The following DAZL variants were observed in gnomAD, a reference collection of about 807,000 sequenced individuals.
DAZL encodes deleted in azoospermia-like.
In DAZL, 4 loss-of-function variants were observed where a neutral mutation model predicts 45.0. That is an observed-to-expected ratio of 0.09 (90% CI 0.04 to 0.20). The LOEUF is 0.20. DAZL is among the 10% of genes least tolerant of loss of function. The pLI is 1.00. For synonymous variants in DAZL, 122 were observed against 112.4 expected (o/e 1.09, Z -0.54); for missense variants, 326 against 351.3 (o/e 0.93, Z 0.58).
chr3:16,597,131 C>A, intron 4 of DAZL, 80 bp from the exon 5 acceptor site: 1 of 1,421,902 alleles, frequency 7.0e-7, no homozygotes, highest in Non-Finnish European at 9.8e-7. Flanking sequence ...CTAAAGTCTT[C>A]TAAAATTCCT....
chr3:16,593,707 T>C lies in DAZL; in HGVS notation c.683A>G (p.Asn228Ser). Residue 228 changes from asparagine (N) to serine (S), a missense_variant, in exon 9 of 11, where the codon AAT (asparagine) becomes AGT (serine). Physicochemically the swap from Asn to Ser is conservative, Grantham distance 46. Transcript: ENST00000399444. ...AGTAGCTTCATGAACTGAACATTCATTTGGCACAACTTCAGCTCCTGGATC... is the reference window on the plus strand; with the variant it reads ...AGTAGCTTCATGAACTGAACATTCACTTGGCACAACTTCAGCTCCTGGATC... Reference protein sequence around the residue: ...EVDPGAEVVPNECSVHEATPP... With the variant: ...EVDPGAEVVPSECSVHEATPP... 1 of 1,612,882 alleles carries C rather than the reference T, an allele frequency of 6.2e-7. No individual in the cohort carries two copies. Among genetic ancestry groups the C allele is most frequent in the Non-Finnish European group, 8.5e-7 (1 of 1,179,294 alleles).
intron 1 of DAZL, among the ~76,000 whole-genome samples, chr3:16,601,741 G>C (rs3821708): frequency 0.27 from 40,249 of 149,590 alleles, 5,486 homozygotes; most frequent in Non-Finnish European, 0.3. Context: ...ATTTTGAAAT[G>C]AGAAATGTTG....
rs1286385793 is a variant in DAZL, at chr3:16,592,057, T to C, written c.827A>G (p.Tyr276Cys). 9 of 1,612,746 alleles carry C rather than the reference T, an allele frequency of 5.6e-6. No individual in the cohort carries two copies. Among genetic ancestry groups the C allele is most frequent in the South Asian group, 1.1e-5 (1 of 91,050 alleles). The change falls in exon 10 of 11, where the codon TAC becomes TGC. Residue 276 changes from tyrosine to cysteine, a missense_variant. Around this residue, in one of 3 missense-constraint regions of DAZL, gnomAD observed 227 missense variants for 216.6 expected, o/e 1.05. Transcript: ENST00000399444. ...TAACTGTTATATTCATACCTTGAAG[T>C]AGTCATCTTGAGTAACAACAGAGTT... ...LRNSVVTQDD[Y>C]FKDKRVHHFR... is the part of the protein sequence containing the mutation.
chr3:16,603,525 T>C (rs976619433), intron 1 of DAZL, among the ~76,000 whole-genome samples: 5 of 150,320 alleles, frequency 3.3e-5, no homozygotes, highest in African/African-American at 1.2e-4. Flanking sequence ...TTTTCTGTTT[T>C]TAGTAGCGAT....
At chr3:16,591,875 G>A (rs1694523655) in intron 10 of DAZL, among the ~76,000 whole-genome samples, 175 bp downstream of exon 10, 1 of 152,154 alleles carries the variant, frequency 6.6e-6, no homozygotes, top group African/African-American at 2.4e-5. Context: ...TCAAGGTTCA[G>A]CAGCAGAAAA....
intron 6 of DAZL, 99 bp downstream of exon 6, chr3:16,596,651 G>A (rs1420656811): frequency 8.5e-6 from 11 of 1,293,618 alleles, no homozygotes; most frequent in South Asian, 1.2e-5. Context: ...TATTCAAACA[G>A]GGATGCCATT....
At chr3:16,600,307 G>T (rs1694664345) in intron 1 of DAZL, among the ~76,000 whole-genome samples, 1 of 152,146 alleles carries the variant, frequency 6.6e-6, no homozygotes, top group African/African-American at 2.4e-5. Context: ...GATGCTAGAA[G>T]TTACTGATTC....
intron 10 of DAZL, among the ~76,000 whole-genome samples, chr3:16,589,812 C>T (rs1244262857): frequency 6.6e-6 from 1 of 151,720 alleles, no homozygotes; most frequent in African/African-American, 2.4e-5. Flanking sequence ...CCTGTAATCC[C>T]AGCACTTTGG....
In DAZL at chr3:16,593,772, T is replaced by C. The variant is rs774087898; in HGVS notation, c.622-4A>G. The C allele has an allele frequency of 1.1e-5, 17 of 1,571,934 alleles. No individual in the cohort carries two copies. Among genetic ancestry groups the C allele is most frequent in the Non-Finnish European group, 1.4e-5 (16 of 1,143,732 alleles). On this transcript the variant is annotated splice_polypyrimidine_tract_variant and splice_region_variant and intron_variant, in intron 8 of 10. Transcript: ENST00000399444. Reference sequence around the variant, plus strand: ...GGTAGTTAACAGCTGAATAAGCCTATATTTAAAATAATGAAAGTGTAATTA... The same window carrying C: ...GGTAGTTAACAGCTGAATAAGCCTACATTTAAAATAATGAAAGTGTAATTA...
At position 16,601,531 on chromosome 3, in the gene DAZL, CATAATT is replaced by C. The variant is rs199508324; in HGVS notation, c.4-2939_4-2934del. Among the ~76,000 whole-genome samples the C allele has an allele frequency of 4.1e-3, 629 of 152,204 alleles. 2 individuals carry two copies. Among genetic ancestry groups the C allele is most frequent in the African/African-American group, 0.014 (600 of 41,516 alleles). On this transcript the variant is annotated intron_variant, in intron 1 of 10. Transcript: ENST00000399444. ...TTGTTAAATTCCTACTGTATTTATA[CATAATT>C]ATAATGTATATATAAAAATCCACAA...
At chr3:16,598,292 C>T in intron 2 of DAZL, 114 bp from the exon 3 acceptor site, 3 of 1,395,030 alleles carry the variant, frequency 2.2e-6, no homozygotes, top group Non-Finnish European at 1.0e-6. Context: ...CCCAAATGAC[C>T]AGTAGCTCTT....
At chr3:16,604,740 C>T in intron 1 of DAZL, 4 of 1,360,166 alleles carry the variant, frequency 2.9e-6, no homozygotes, top group Non-Finnish European at 3.8e-6. Context: ...TGCGGAGCCA[C>T]GGGGAGAGCG....
At chr3:16,589,451 G>A (rs562326625) in intron 10 of DAZL, among the ~76,000 whole-genome samples, 24 of 152,230 alleles carry the variant, frequency 1.6e-4, no homozygotes, top group African/African-American at 5.3e-4. Flanking sequence ...TCTGTCAAAA[G>A]AGTGATATCC....
At chr3:16,603,800 A>G (rs965061306) in intron 1 of DAZL, among the ~76,000 whole-genome samples, 12 of 152,340 alleles carry the variant, frequency 7.9e-5, no homozygotes, top group African/African-American at 2.9e-4. Flanking sequence ...AGTATTATGC[A>G]GCACGGTGTA....
chr3:16,588,815 A>C (rs1046985878), intron 10 of DAZL, 102 bp from the exon 11 acceptor site: 1 of 895,782 alleles, frequency 1.1e-6, no homozygotes, highest in Non-Finnish European at 1.9e-6. Context: ...TTTGGGTTTA[A>C]ACATTATAAA....
chr3:16,599,635 A>G (rs1249513063), intron 1 of DAZL, among the ~76,000 whole-genome samples: 2 of 152,200 alleles, frequency 1.3e-5, no homozygotes, highest in African/African-American at 2.4e-5. Context: ...AAATTATACC[A>G]TCTTTATTTT....
rs753451717 is a variant in DAZL at position 16,593,736 on chromosome 3, T to C, written c.654A>G (p.Glu218=). 6 of 1,612,228 alleles carry C rather than the reference T, an allele frequency of 3.7e-6. No individual in the cohort carries two copies. In the East Asian group the frequency reaches 1.1e-4, roughly 30 times the overall value. ...AYSAVNYHCN[E]VDPGAEVVPN... is the part of the protein sequence containing the mutation. ...GCACAACTTCAGCTCCTGGATCAACTTCATTACAGTGGTAGTTAACAGCTG... is the reference window on the plus strand; with the variant it reads ...GCACAACTTCAGCTCCTGGATCAACCTCATTACAGTGGTAGTTAACAGCTG... The change falls in exon 9 of 11, where the codon GAA becomes GAG. Residue 218 remains glutamate (E), a synonymous_variant. Coordinates refer to ENST00000399444, the MANE Select transcript of DAZL (RefSeq NM_001351.4).
chr3:16,588,829 T>C, intron 10 of DAZL, 116 bp from the exon 11 acceptor site: 1 of 801,822 alleles, frequency 1.2e-6, no homozygotes, highest in Non-Finnish European at 2.2e-6. Flanking sequence ...TTATAAATAA[T>C]GAGAAAAAAG....
At chr3:16,600,746 T>C (rs1463782831) in intron 1 of DAZL, among the ~76,000 whole-genome samples, 1 of 152,218 alleles carries the variant, frequency 6.6e-6, no homozygotes, top group Non-Finnish European at 1.5e-5. Flanking sequence ...TTTTCTTTGA[T>C]AAACAAGCTA....
Sources: gnomAD v4.1 joint callset for allele counts (sites outside exome capture counted in the v4.1 genomes callset) on GRCh38, gnomAD v4.1.1 for gene constraint, gnomAD v4.1.1 regional missense constraint, MANE v1.5 for transcripts, NCBI Gene and HGNC (gene_info 2026-07-23, HGNC 2026-07-21) for gene names.